The following DMD variants were observed in gnomAD, a reference collection of about 807,000 sequenced individuals.
The protein encoded by DMD is dystrophin.
Under a neutral mutation model 330.1 loss-of-function variants are expected in DMD, and 63 were observed. That is an observed-to-expected ratio of 0.19 (90% CI 0.16 to 0.24). The LOEUF (loss-of-function observed/expected upper bound fraction) is 0.24. Among genes scored for constraint, DMD ranks in the 10% least tolerant of loss-of-function variants. DMD has a pLI of 1.00. For synonymous variants in DMD, 1,223 were observed against 959.8 expected, an observed-to-expected ratio of 1.27 and a Z score of -5.07; for missense variants, 3,344 against 2,684.1, an observed-to-expected ratio of 1.25 and a Z score of -5.43.
chrX:32,361,681 C>T, intron 37 of DMD, among the ~76,000 whole-genome samples: 1 of 111,350 alleles, frequency 9.0e-6, no homozygotes, highest in Non-Finnish European at 1.9e-5. Flanking sequence ...ACTGTAATGC[C>T]TTAGAAAGTG....
chrX:32,726,271 A>G (rs2066872478), intron 7 of DMD, among the ~76,000 whole-genome samples: 1 of 111,348 alleles, frequency 9.0e-6, no homozygotes, highest in African/African-American at 3.3e-5. Context: ...AATGTAGCTT[A>G]TCAATGTCTC....
chrX:31,949,896 T>C (rs1853290092), intron 45 of DMD, among the ~76,000 whole-genome samples: 1 of 110,577 alleles, frequency 9.0e-6, no homozygotes, highest in African/African-American at 3.3e-5. Context: ...AATTCTTTTT[T>C]TTTTGGTCAG....
At chrX:31,296,710 C>A (rs1207187121) in intron 62 of DMD, among the ~76,000 whole-genome samples, 1 of 112,024 alleles carries the variant, frequency 8.9e-6, no homozygotes, top group Non-Finnish European at 1.9e-5. Flanking sequence ...AATTACTGCT[C>A]ACATGAATTT....
intron 44 of DMD, among the ~76,000 whole-genome samples, chrX:32,132,988 CTTTTCTTTTTTTTTTTTTTTT>C (rs1207948969): frequency 1.3e-4 from 2 of 15,043 alleles, no homozygotes. Flanking sequence ...CACTCCTTTT[CTTTTCTTTTTTTTTTTTTTTT>C]TTTTTTTTTT....
chrX:32,435,275 CATATAT>C (rs57376337), intron 29 of DMD, among the ~76,000 whole-genome samples: 2,674 of 79,627 alleles, frequency 0.034, 108 homozygotes, highest in African/African-American at 0.1. Flanking sequence ...TATATACTTA[CATATAT>C]ATATATATAT....
At chrX:31,204,262 A>C (rs976617600) in intron 66 of DMD, 144 bp from the exon 67 acceptor site, 18 of 513,922 alleles carry the variant, frequency 3.5e-5, no homozygotes, top group Admixed American at 3.5e-4. Context: ...ATTTGTGCTA[A>C]TCTGGATATT....
At position 32,573,117 on chromosome X, in the gene DMD, C is replaced by G. The variant is rs145164326; in HGVS notation, c.1812+413G>C. Among the ~76,000 whole-genome samples the G allele has an allele frequency of 4.4e-3, 484 of 111,152 alleles. 13 individuals are homozygous for G. Among genetic ancestry groups the G allele is most frequent in the Admixed American group, 0.042 (434 of 10,343 alleles). On this transcript the variant is annotated intron_variant, in intron 15 of 78. Coordinates refer to ENST00000357033, the MANE Select transcript of DMD (RefSeq NM_004006.3). Reference sequence around the variant, plus strand: ...TTACCCAGTCCCAGTCTCAGGTACCCCTTTATAATAAACTAAGGTTAAACT... The same window carrying G: ...TTACCCAGTCCCAGTCTCAGGTACCGCTTTATAATAAACTAAGGTTAAACT...
At chrX:31,599,031 C>T (rs1026737120) in intron 55 of DMD, among the ~76,000 whole-genome samples, 22 of 111,416 alleles carry the variant, frequency 2.0e-4, no homozygotes, top group African/African-American at 6.2e-4. Context: ...GAGATTTATG[C>T]GATGTATAGA....
Position 31,987,523 on chromosome X carries a change from T to A in DMD, c.6439-19009A>T, listed in dbSNP as rs182765977. On this transcript the variant is annotated intron_variant, in intron 44 of 78. Transcript: ENST00000357033. The stretch of plus-strand genomic sequence containing the variant: ...CTATGAGATCGATGTTTTTAGATTG[T>A]GCATATGAATGAGAACAAGCTGCAT... Among the ~76,000 whole-genome samples, 20 of 111,928 alleles carry A rather than the reference T, an allele frequency of 1.8e-4. No individual in the cohort carries two copies. The East Asian group carries it at 4.5e-3, about 25-fold the overall frequency.
intron 44 of DMD, among the ~76,000 whole-genome samples, chrX:31,983,657 A>G (rs4829237): frequency 0.035 from 3,856 of 110,253 alleles, 65 homozygotes; most frequent in Middle Eastern, 0.085. Flanking sequence ...CTGTTAAAAC[A>G]AGGAAAGGCA....
At chrX:32,947,850 C>T (rs776259995) in intron 2 of DMD, among the ~76,000 whole-genome samples, 2 of 110,951 alleles carry the variant, frequency 1.8e-5, no homozygotes, top group Non-Finnish European at 3.8e-5. Context: ...TGGGGTGGAG[C>T]GGAAACCCAG....
rs192644277 is a variant in DMD at position 31,408,262 on chromosome X, A to G, written c.9084+36219T>C. The stretch of plus-strand genomic sequence containing the variant: ...TCACTAGAGTACTGAATCTGGCATC[A>G]CGCTCATGTTATCCACTTAGTAACC... On this transcript the variant is annotated intron_variant, in intron 60 of 78. Coordinates refer to ENST00000357033, the MANE Select transcript of DMD (RefSeq NM_004006.3). 6.9e-3 allele frequency among the ~76,000 whole-genome samples: 773 copies of G among 112,393 alleles called. 9 individuals are homozygous for G. The highest frequency in any genetic ancestry group is 0.019 in the African/African-American group (588 of 30,960).
intron 47 of DMD, among the ~76,000 whole-genome samples, chrX:31,907,946 T>TAACA (rs2094497891): frequency 8.9e-6 from 1 of 112,312 alleles, no homozygotes; most frequent in African/African-American, 3.2e-5. Context: ...TTTATGCAGC[T>TAACA]AACAGACACA....
chrX:31,444,686 G>GATACCTGGGCTT, intron 59 of DMD, 59 bp from the exon 60 acceptor site: 1 of 1,145,860 alleles, frequency 8.7e-7, no homozygotes, highest in African/African-American at 1.8e-5. Context: ...AAGAAGAACT[G>GATACCTGGGCTT]ATACCTGGGC....
intron 2 of DMD, among the ~76,000 whole-genome samples, chrX:32,864,042 G>A (rs1012764547): frequency 3.5e-5 from 4 of 112,681 alleles, no homozygotes; most frequent in Non-Finnish European, 5.6e-5. Context: ...GAGAACGTCT[G>A]TCACTGCTAT....
chrX:32,422,583 G>C (rs1388141976), intron 29 of DMD, among the ~76,000 whole-genome samples: 2 of 111,445 alleles, frequency 1.8e-5, no homozygotes, highest in Non-Finnish European at 3.8e-5. Context: ...AACATAGTGA[G>C]GTAGAAACAG....
At chrX:33,096,063 C>T (rs1236958047) in intron 1 of DMD, among the ~76,000 whole-genome samples, 1 of 102,836 alleles carries the variant, frequency 9.7e-6, no homozygotes, top group Non-Finnish European at 2.0e-5. Context: ...CAACCTCCGC[C>T]TCTTGGGCTC....
intron 1 of DMD, among the ~76,000 whole-genome samples, chrX:33,335,879 C>A (rs1385701652): frequency 9.0e-6 from 1 of 111,045 alleles, no homozygotes; most frequent in African/African-American, 3.3e-5. Flanking sequence ...TTATGTCAAA[C>A]AGCAAATATT....
At chrX:31,328,709 C>T (rs1241345425) in intron 61 of DMD, among the ~76,000 whole-genome samples, 3 of 110,198 alleles carry the variant, frequency 2.7e-5, no homozygotes, top group East Asian at 5.6e-4. Context: ...ATCTCCCTCA[C>T]CAAAATGTTG....
Sources: gnomAD v4.1 joint callset for allele counts (sites outside exome capture counted in the v4.1 genomes callset) on GRCh38, gnomAD v4.1.1 for gene constraint, MANE v1.5 for transcripts, NCBI Gene and HGNC (gene_info 2026-07-23, HGNC 2026-07-21) for gene names.